The following RPL18 variants were observed in gnomAD, a reference collection of about 807,000 sequenced individuals.
RPL18 encodes ribosomal protein L18.
In RPL18, 4 loss-of-function variants were observed where a neutral mutation model predicts 25.0. The observed-to-expected ratio is 0.16, with a 90% CI of 0.08 to 0.37. The LOEUF (loss-of-function observed/expected upper bound fraction) is 0.37, where lower values mean the gene tolerates loss of function less well. Among genes scored for constraint, RPL18 ranks in the 10% least tolerant of loss-of-function variants. The probability of loss-of-function intolerance (pLI) is 1.00; values close to 1 mark genes in which losing one functional copy is unlikely to be tolerated. For synonymous variants in RPL18, 129 were observed against 101.6 expected, an observed-to-expected ratio of 1.27 and a Z score of -1.62; for missense variants, 179 against 267.9, an observed-to-expected ratio of 0.67 and a Z score of 2.32.
Position 48,619,170 on chromosome 19 carries a change from C to G in RPL18, c.-27G>C, listed in dbSNP as rs776941465. On this transcript the variant is annotated 5_prime_UTR_variant, in exon 1 of 7. Transcript: ENST00000549920. ...ATGGCGCCTCCTGCTCGGCCAGGTC[C>G]GGAAAGAGAGAACGGGCTGGGGTGG... The G allele has an allele frequency of 1.1e-6, 1 of 912,102 alleles. No homozygotes were observed. Among genetic ancestry groups the G allele is most frequent in the Non-Finnish European group, 1.6e-6 (1 of 616,210 alleles). The allele number at this position is 912,102 out of a possible 1,614,324, so 56.5% of individuals were successfully genotyped here. A position where few individuals can be genotyped will look rare whatever the true frequency, so the allele number is the denominator to read the frequency against.
chr19:48,617,918 A>C (rs756779199), intron 1 of RPL18, 41 bp from the exon 2 acceptor site: 24 of 1,408,772 alleles, frequency 1.7e-5, no homozygotes, highest in Non-Finnish European at 2.3e-5. Context: ...AATTACCCCC[A>C]ACCATAGCCA....
In RPL18 at chr19:48,619,065, C is replaced by G. The variant is rs1974290515; in HGVS notation, c.3+76G>C. 3.3e-6 allele frequency: 5 copies of G among 1,527,914 alleles called. No homozygotes were observed. The East Asian group carries it at 9.4e-5, about 29-fold the overall frequency. 94.6% of individuals were successfully genotyped at this position (1,527,914 alleles called of 1,614,324 possible). A position where few individuals can be genotyped will look rare whatever the true frequency, so the allele number is the denominator to read the frequency against. On this transcript the variant is annotated intron_variant, in intron 1 of 6. Transcript: ENST00000549920. Reference sequence around the variant, plus strand: ...GCAGCCGCAGACCCCCTGCCGCCCTCCAGCGTGCCCCTAGCCCAAAACCAC... The same window carrying G: ...GCAGCCGCAGACCCCCTGCCGCCCTGCAGCGTGCCCCTAGCCCAAAACCAC...
chr19:48,616,052 C>T (rs777831730), intron 5 of RPL18, 27 bp downstream of exon 5: 3 of 1,613,952 alleles, frequency 1.9e-6, no homozygotes, highest in Non-Finnish European at 8.5e-7. Context: ...CAGCTCAGTC[C>T]AAACCCGTCG....
chr19:48,615,401 G>A lies in RPL18; in HGVS notation c.538C>T (p.Arg180Ter), dbSNP rs766853623. 3.1e-6 allele frequency: 5 copies of A among 1,612,792 alleles called. No individual in the cohort carries two copies. The highest frequency in any genetic ancestry group is 4.2e-6 in the Non-Finnish European group (5 of 1,179,464). Residue 180 changes from arginine (R) to a stop codon, truncating the protein, a stop_gained, in exon 7 of 7, where the codon CGA (arginine) becomes TGA (stop). Transcript: ENST00000549920. LOFTEE classifies it high-confidence loss of function. Reference sequence around the variant, plus strand: ...TTTTTGTAGCCTCGGCTGGCCCGTCGGCCTCTGGCACGCTCGAACTTCCGG... The same window carrying A: ...TTTTTGTAGCCTCGGCTGGCCCGTCAGCCTCTGGCACGCTCGAACTTCCGG... ...KGRKFERARG[R>*]RASRGYKN
chr19:48,616,379 C>CCA, intron 4 of RPL18, 177 bp from the exon 5 acceptor site: 1 of 720,452 alleles, frequency 1.4e-6, no homozygotes, highest in East Asian at 2.7e-5. Flanking sequence ...ACTTTCACCA[C>CCA]CACATCCCTG....
In RPL18 at chr19:48,617,721, C is replaced by T. The variant is rs1042773748; in HGVS notation, c.90+70G>A. 2.9e-4 allele frequency: 351 copies of T among 1,220,130 alleles called. 1 individual carries two copies. The highest frequency in any genetic ancestry group is 4.8e-5 in the Non-Finnish European group (40 of 826,614). The allele number at this position is 1,220,130 out of a possible 1,614,324, so 75.6% of individuals were successfully genotyped here. On this transcript the variant is annotated intron_variant, in intron 2 of 6. Transcript: ENST00000549920. Reference sequence around the variant, plus strand: ...GCCCCTGGGAGGAGCTTGGTGCCAGCACTAGAATGGAGGATCTGCAAGTCA... The same window carrying T: ...GCCCCTGGGAGGAGCTTGGTGCCAGTACTAGAATGGAGGATCTGCAAGTCA...
At chr19:48,617,635 G>A (rs763149752) in intron 2 of RPL18, 156 bp downstream of exon 2, 29 of 696,066 alleles carry the variant, frequency 4.2e-5, no homozygotes, top group Non-Finnish European at 6.2e-5. Context: ...CAGCCTAGAG[G>A]CTGAAAATAC....
In RPL18 at chr19:48,616,205, G is replaced by T; in HGVS notation, c.298-3C>A. On this transcript the variant is annotated splice_region_variant and splice_polypyrimidine_tract_variant and intron_variant, in intron 4 of 6. Transcript: ENST00000549920. ...CTGGTCACGCGCAGTGCACATACCT[G>T]GTGGAGAGGACAAGGCTGGCGGGTC... 6.2e-7 allele frequency: 1 copy of T among 1,613,528 alleles called. No individual in the cohort carries two copies. The highest frequency in any genetic ancestry group is 1.1e-5 in the South Asian group (1 of 91,056).
chr19:48,617,052 A>G, intron 3 of RPL18: 5 of 702,768 alleles, frequency 7.1e-6, no homozygotes, highest in Non-Finnish European at 5.2e-6. Flanking sequence ...CTTTGACATA[A>G]AACTCAGTTA....
rs747097841 is a variant in RPL18, at chr19:48,615,441, G to A, written c.498C>T (p.Tyr166=). The change falls in exon 7 of 7, where the codon TAC becomes TAT. Residue 166 remains tyrosine, a synonymous_variant. Transcript: ENST00000549920. ...CGAACTTCCGGCCCTTGGAGCGGAC[G>A]TAGGGTCTGTGGGGAGAGGAGGGAG... ...PGTPHSHTKP[Y]VRSKGRKFER... 1.1e-5 allele frequency: 18 copies of A among 1,612,722 alleles called. No individual in the cohort carries two copies. The highest frequency in any genetic ancestry group is 6.7e-5 in the Admixed American group (4 of 59,866).
chr19:48,617,461 C>G, intron 2 of RPL18, 38 bp from the exon 3 acceptor site: 1 of 1,476,632 alleles, frequency 6.8e-7, no homozygotes, highest in Non-Finnish European at 9.5e-7. Flanking sequence ...CTGGGACAGC[C>G]TGCTCCCCCG....
chr19:48,615,797 A>G (rs375689484), intron 6 of RPL18, 80 bp downstream of exon 6: 41 of 1,281,344 alleles, frequency 3.2e-5, no homozygotes, highest in East Asian at 2.8e-4. Flanking sequence ...GAGGGATAGG[A>G]GAAGCAGCCC....
At position 48,617,804 on chromosome 19, in the gene RPL18, C is replaced by T; in HGVS notation, c.77G>A (p.Arg26Lys). ...GCCCAGCCTCACCTTGACCAACAGC[C>T]TCAGGTAGATATCCTGGCTCTTGGG... ...KEPKSQDIYL[R>K]LLVKLYRFLA... The change falls in exon 2 of 7, where the codon AGG becomes AAG. Residue 26 changes from arginine (R) to lysine (K), a missense_variant. Transcript: ENST00000549920. 1 of 1,614,084 alleles carries T rather than the reference C, an allele frequency of 6.2e-7. No homozygotes were observed. The highest frequency in any genetic ancestry group is 8.5e-7 in the Non-Finnish European group (1 of 1,179,888).
At chr19:48,615,579 G>T in intron 6 of RPL18, 132 bp from the exon 7 acceptor site, 1 of 783,208 alleles carries the variant, frequency 1.3e-6, no homozygotes, top group Non-Finnish European at 2.1e-6. Context: ...TGGCAGAGTG[G>T]GAAGCCAAGG....
At chr19:48,617,012 A>C in intron 3 of RPL18, 188 bp from the exon 4 acceptor site, 1 of 701,662 alleles carries the variant, frequency 1.4e-6, no homozygotes, top group Non-Finnish European at 2.6e-6. Context: ...AAAAATGCAG[A>C]CTGTTCAATA....
Position 48,617,368 on chromosome 19 carries a change from T to C in RPL18, c.146A>G (p.Lys49Arg), listed in dbSNP as rs1265834448. The C allele has an allele frequency of 1.2e-6, 2 of 1,614,192 alleles. No individual in the cohort carries two copies. Among genetic ancestry groups the C allele is most frequent in the Middle Eastern group, 3.3e-4 (2 of 6,062 alleles). ...TNSTFNQVVL[K>R]RLFMSRTNRP... is the part of the protein sequence containing the mutation. ...GTTGGTGCGACTCATAAACAACCTC[T>C]TCAACACAACCTGGTTGAATGTGGA... Residue 49 changes from lysine (K) to arginine (R), a missense_variant, in exon 3 of 7, where the codon AAG (lysine) becomes AGG (arginine). Physicochemically the swap from Lys to Arg is conservative, Grantham distance 26 (BLOSUM62 2). Transcript: ENST00000549920.
chr19:48,616,027 C>A, intron 5 of RPL18, 52 bp downstream of exon 5: 1 of 1,613,816 alleles, frequency 6.2e-7, no homozygotes, highest in Non-Finnish European at 8.5e-7. Context: ...AGGGTGAAGG[C>A]TGCCAGTAGC....
intron 3 of RPL18, 179 bp from the exon 4 acceptor site, chr19:48,617,003 A>C (rs1281735532): frequency 1.4e-6 from 1 of 703,500 alleles, no homozygotes; most frequent in Admixed American, 2.0e-5. Context: ...GATAAAAAAA[A>C]AAATGCAGAC....
chr19:48,617,990 C>G, intron 1 of RPL18, 113 bp from the exon 2 acceptor site: 1 of 753,596 alleles, frequency 1.3e-6, no homozygotes, highest in South Asian at 1.7e-5. Flanking sequence ...CACACCAGCT[C>G]AAATCCCAGG....
Sources: gnomAD v4.1 joint callset for allele counts on GRCh38, gnomAD v4.1.1 for gene constraint, MANE v1.5 for transcripts, NCBI Gene and HGNC (gene_info 2026-07-23, HGNC 2026-07-21) for gene names.